The following IFT80 variants were observed in gnomAD, a reference collection of about 807,000 sequenced individuals.
IFT80 encodes the protein intraflagellar transport 80, also known as intraflagellar transport protein 80 homolog.
In IFT80, 79 loss-of-function variants were observed where a neutral mutation model predicts 107.9. The observed-to-expected ratio is 0.73, with a 90% CI of 0.61 to 0.88. The LOEUF (loss-of-function observed/expected upper bound fraction) is 0.88. Ranked by LOEUF, IFT80 falls within the 40% of genes least tolerant of loss-of-function variation. The probability of loss-of-function intolerance (pLI) is 0.00; values close to 1 mark genes in which losing one functional copy is unlikely to be tolerated. For missense variants in IFT80, 797 were observed against 914.2 expected (o/e 0.87, Z 1.65); for synonymous variants, 299 against 300.9 (o/e 0.99, Z 0.07).
intron 5 of IFT80, among the ~76,000 whole-genome samples, chr3:160,370,246 T>A (rs1722140361): frequency 6.6e-6 from 1 of 152,138 alleles, no homozygotes; most frequent in Non-Finnish European, 1.5e-5. Flanking sequence ...TCGGTCTATA[T>A]TGAGTGAATA....
At chr3:160,377,025 T>C (rs1477264512) in intron 4 of IFT80, among the ~76,000 whole-genome samples, 2 of 152,154 alleles carry the variant, frequency 1.3e-5, no homozygotes, top group African/African-American at 4.8e-5. Flanking sequence ...TGATTTTAAG[T>C]CACTAACTAT....
At chr3:160,334,003 C>T (rs768552184) in intron 8 of IFT80, among the ~76,000 whole-genome samples, 1 of 152,088 alleles carries the variant, frequency 6.6e-6, no homozygotes, top group Non-Finnish European at 1.5e-5. Flanking sequence ...GCTATGACAT[C>T]ACTAGGCAAT....
Position 160,380,564 on chromosome 3 carries a change from A to G in IFT80, c.259+939T>C, listed in dbSNP as rs538378288. On this transcript the variant is annotated intron_variant, in intron 3 of 19. Coordinates refer to ENST00000326448, the MANE Select transcript of IFT80 (RefSeq NM_020800.3). ...ACAGCTAGGTGAACCAAAAAACTCC[A>G]TTTGTGCTTAAGTTAGCCAAATAAG... is the stretch of plus-strand genomic sequence containing the variant. Among the ~76,000 whole-genome samples the G allele has an allele frequency of 1.2e-4, 19 of 152,290 alleles. 1 individual carries two copies. The highest frequency in any genetic ancestry group is 1.5e-4 in the Non-Finnish European group (10 of 68,020).
chr3:160,264,722 G>A (rs1177908258), intron 19 of IFT80, among the ~76,000 whole-genome samples: 1 of 151,730 alleles, frequency 6.6e-6, no homozygotes, highest in Non-Finnish European at 1.5e-5. Flanking sequence ...TTATGGGTGT[G>A]AGCCACCGCA....
intron 6 of IFT80, among the ~76,000 whole-genome samples, chr3:160,365,685 T>C (rs565826924): frequency 1.3e-5 from 2 of 152,212 alleles, no homozygotes; most frequent in East Asian, 1.9e-4. Context: ...CTAAGAGATG[T>C]TCTCATCTCT....
At chr3:160,258,711 G>C (rs565846478) in intron 19 of IFT80, 76 bp from the exon 20 acceptor site, 1 of 1,525,210 alleles carries the variant, frequency 6.6e-7, no homozygotes, top group Non-Finnish European at 8.9e-7. Flanking sequence ...GTAACTAAGA[G>C]TAAACAGATA....
chr3:160,356,389 C>T (rs1298457478), intron 7 of IFT80, among the ~76,000 whole-genome samples: 3 of 152,114 alleles, frequency 2.0e-5, no homozygotes, highest in Non-Finnish European at 4.4e-5. Context: ...GCCTAAATGT[C>T]TCAAAAAGAA....
At chr3:160,375,916 C>T in intron 4 of IFT80, 36 bp from the exon 5 acceptor site, 1 of 1,333,452 alleles carries the variant, frequency 7.5e-7, no homozygotes. Context: ...AGTATTTTTA[C>T]CTATAGAAAA....
intron 17 of IFT80, 39 bp downstream of exon 17, chr3:160,277,537 TAAGAA>T: frequency 6.3e-7 from 1 of 1,583,744 alleles, no homozygotes; most frequent in South Asian, 1.1e-5. Context: ...TAAATTACGC[TAAGAA>T]AAAACACATG....
chr3:160,364,134 T>G (rs904208986), intron 6 of IFT80, among the ~76,000 whole-genome samples: 2 of 152,100 alleles, frequency 1.3e-5, no homozygotes, highest in Non-Finnish European at 2.9e-5. Flanking sequence ...ATCCAGAATC[T>G]ACAAAGAACT....
chr3:160,319,643 T>C (rs1718061771), intron 9 of IFT80, 117 bp downstream of exon 9: 1 of 906,690 alleles, frequency 1.1e-6, no homozygotes, highest in South Asian at 1.5e-5. Context: ...ATATTTCTAA[T>C]GTGACTGAAT....
chr3:160,288,706 G>A (rs180751951), intron 12 of IFT80, among the ~76,000 whole-genome samples: 20 of 152,250 alleles, frequency 1.3e-4, no homozygotes, highest in Middle Eastern at 6.8e-3. Context: ...TATACATGTG[G>A]CCAACAAACA....
chr3:160,338,342 G>A (rs1377906963), intron 8 of IFT80, among the ~76,000 whole-genome samples: 1 of 152,138 alleles, frequency 6.6e-6, no homozygotes, highest in East Asian at 1.9e-4. Flanking sequence ...AGTGGCTCAC[G>A]CCTGTAATCC....
intron 1 of IFT80, among the ~76,000 whole-genome samples, chr3:160,396,022 TATTC>T (rs1418479615): frequency 1.3e-5 from 2 of 152,146 alleles, no homozygotes; most frequent in Non-Finnish European, 2.9e-5. Context: ...GTGATCCAGT[TATTC>T]TTACAGCACT....
intron 9 of IFT80, among the ~76,000 whole-genome samples, chr3:160,314,453 C>G (rs62272179): frequency 0.042 from 6,373 of 152,216 alleles, 215 homozygotes; most frequent in Middle Eastern, 0.078. Context: ...TTTTTCACTA[C>G]AGGCTATCAT....
At chr3:160,260,744 C>T (rs1452794514) in intron 19 of IFT80, among the ~76,000 whole-genome samples, 1 of 152,178 alleles carries the variant, frequency 6.6e-6, no homozygotes, top group African/African-American at 2.4e-5. Flanking sequence ...AGTATAGGGA[C>T]TGCCAATATT....
intron 8 of IFT80, among the ~76,000 whole-genome samples, chr3:160,329,914 ACT>A (rs1403854925): frequency 1.3e-5 from 2 of 152,014 alleles, no homozygotes; most frequent in Non-Finnish European, 2.9e-5. Context: ...TCTCCCCTAC[ACT>A]GTTACTTATC....
intron 8 of IFT80, among the ~76,000 whole-genome samples, chr3:160,355,209 T>A (rs1287076508): frequency 1.3e-5 from 2 of 152,224 alleles, no homozygotes; most frequent in Admixed American, 6.5e-5. Flanking sequence ...CTTGCATGTA[T>A]TCAAATATGA....
chr3:160,327,031 A>T (rs1022753072), intron 8 of IFT80, among the ~76,000 whole-genome samples: 5 of 152,086 alleles, frequency 3.3e-5, no homozygotes, highest in African/African-American at 1.2e-4. Context: ...TACACCAACA[A>T]CAGACAAGCA....
Sources: allele counts gnomAD v4.1 joint callset (sites outside exome capture counted in the v4.1 genomes callset), GRCh38; gene constraint gnomAD v4.1.1; transcripts MANE v1.5; gene names NCBI Gene and HGNC (gene_info 2026-07-23, HGNC 2026-07-21).